TFE3: variants seen among roughly 807,000 people sequenced by gnomAD.
TFE3 encodes transcription factor E3.
A neutral mutation model predicts 35.0 loss-of-function variants in TFE3; 5 were observed. That is an observed-to-expected ratio of 0.14 (90% CI 0.07 to 0.30). TFE3 has a LOEUF of 0.30. TFE3 is among the 10% of genes least tolerant of loss of function. The pLI is 1.00. For missense variants in TFE3, 374 were observed against 496.6 expected (o/e 0.75, Z 2.35); for synonymous variants, 211 against 215.6 (o/e 0.98, Z 0.18).
Position 49,030,208 on chromosome X carries a change from A to G in TFE3, c.1678T>C (p.Ser560Pro). The change falls in exon 10 of 10, where the codon TCC becomes CCC. Residue 560 changes from serine (S) to proline (P), a missense_variant. Transcript: ENST00000315869. ...PLLSSVSPAV[S>P]KASSRRSSFS... ...CTGCTGCGGCGGCTGCTGGCCTTGGAGACAGCAGGGGACACTGAAGAGAGC... is the reference window on the plus strand; with the variant it reads ...CTGCTGCGGCGGCTGCTGGCCTTGGGGACAGCAGGGGACACTGAAGAGAGC... The G allele has an allele frequency of 8.3e-7, 1 of 1,207,582 alleles. No homozygotes were observed. Among genetic ancestry groups the G allele is most frequent in the Non-Finnish European group, 1.1e-6 (1 of 893,489 alleles).
At chrX:49,037,663 C>T (rs367729809) in intron 5 of TFE3, 15 of 147,898 alleles carry the variant, frequency 1.0e-4, no homozygotes, top group African/African-American at 4.0e-4. Context: ...CGCGCCACTG[C>T]ACTCTAGCCT....
At chrX:49,037,790 C>T (rs1402714097) in intron 5 of TFE3, 3 of 400,019 alleles carry the variant, frequency 7.5e-6, no homozygotes, top group South Asian at 4.4e-5. Flanking sequence ...CAGTGAACTC[C>T]CCACCTGTAT....
intron 8 of TFE3, chrX:49,031,929 C>G (rs1274271477): frequency 1.6e-5 from 2 of 124,610 alleles, no homozygotes; most frequent in African/African-American, 6.4e-5. Context: ...CCATGCGGCT[C>G]CCCGCCTTGC....
Position 49,031,525 on chromosome X carries a change from C to T in TFE3, c.1156G>A (p.Gly386Ser). 1 of 1,194,154 alleles carries T rather than the reference C, an allele frequency of 8.4e-7. No homozygotes were observed. The highest frequency in any genetic ancestry group is 1.1e-6 in the Non-Finnish European group (1 of 886,293). ...TCCACAGAGGCCTTCAGGATGGTGCCCTTGTTCCAGCGCATCTCCCTGTGG... is the reference window on the plus strand; with the variant it reads ...TCCACAGAGGCCTTCAGGATGGTGCTCTTGTTCCAGCGCATCTCCCTGTGG... The part of the protein sequence containing the change: ...SSDPEMRWNK[G>S]TILKASVDYI... Residue 386 changes from glycine (G) to serine (S), a missense_variant, in exon 9 of 10, where the codon GGC becomes AGC. Gly to Ser is a moderately conservative substitution (Grantham distance 56). This residue lies in a region of TFE3 where 167 missense variants were observed against 297.2 expected (regional missense o/e 0.56). Transcript: ENST00000315869.
In TFE3 at chrX:49,034,126, T is replaced by C. The variant is rs782614531; in HGVS notation, c.1003+8A>G. 5 of 1,199,287 alleles carry C rather than the reference T, an allele frequency of 4.2e-6. No homozygotes were observed. Among genetic ancestry groups the C allele is most frequent in the South Asian group, 1.8e-5 (1 of 56,628 alleles). The stretch of plus-strand genomic sequence containing the variant: ...GTAGGGCCATGGGGCCAAGACCCTA[T>C]CACCTACCAGAGATCTCCCGTTTGA... On this transcript the variant is annotated splice_region_variant and intron_variant, in intron 6 of 9. Coordinates refer to ENST00000315869, the MANE Select transcript of TFE3 (RefSeq NM_006521.6).
At chrX:49,042,969 A>G in intron 1 of TFE3, 142 bp downstream of exon 1, 1 of 433,718 alleles carries the variant, frequency 2.3e-6, no homozygotes, top group East Asian at 4.2e-5. Flanking sequence ...CGGATTCCTT[A>G]GGTGCCCCCC....
chrX:49,040,701 C>A, intron 1 of TFE3, 133 bp from the exon 2 acceptor site: 2 of 467,456 alleles, frequency 4.3e-6, no homozygotes, highest in South Asian at 6.3e-5. Flanking sequence ...TATTTGGCCA[C>A]CTTGCTGGGT....
At chrX:49,042,760 A>C (rs782251878) in intron 1 of TFE3, among the ~76,000 whole-genome samples, 2 of 110,926 alleles carry the variant, frequency 1.8e-5, no homozygotes, top group Non-Finnish European at 3.8e-5. Context: ...CATTCCCCTC[A>C]TGTCCGACTG....
At chrX:49,037,102 A>T (rs1191737406) in intron 5 of TFE3, among the ~76,000 whole-genome samples, 1 of 111,301 alleles carries the variant, frequency 9.0e-6, no homozygotes, top group Non-Finnish European at 1.9e-5. Context: ...TCAGGAGTTC[A>T]AGACCAGCCT....
chrX:49,038,137 T>C (rs2064740377), intron 4 of TFE3, 23 bp from the exon 5 acceptor site: 3 of 1,211,466 alleles, frequency 2.5e-6, no homozygotes, highest in Non-Finnish European at 3.4e-6. Flanking sequence ...GTAAATATTA[T>C]ACAGGTTTAG....
At chrX:49,031,258 C>T (rs1306288495) in intron 9 of TFE3, 139 bp downstream of exon 9, 2 of 586,553 alleles carry the variant, frequency 3.4e-6, no homozygotes, top group African/African-American at 2.3e-5. Flanking sequence ...ATCATTATCA[C>T]TATCATCATC....
chrX:49,030,694 G>T, intron 9 of TFE3, 93 bp from the exon 10 acceptor site: 1 of 781,646 alleles, frequency 1.3e-6, no homozygotes, highest in Non-Finnish European at 1.8e-6. Context: ...AGGTTCCCTG[G>T]GTTGGAATTC....
At chrX:49,041,276 T>C (rs782815416) in intron 1 of TFE3, among the ~76,000 whole-genome samples, 1 of 106,113 alleles carries the variant, frequency 9.4e-6, no homozygotes, top group Non-Finnish European at 1.9e-5. Context: ...CCCAGGTATA[T>C]GTGTGTACAC....
At chrX:49,033,688 G>A (rs782635252) in intron 7 of TFE3, 38 bp downstream of exon 7, 10 of 1,206,816 alleles carry the variant, frequency 8.3e-6, no homozygotes, top group Non-Finnish European at 1.0e-5. Flanking sequence ...AGGCAGGCCT[G>A]CACAGCACCC....
At chrX:49,039,470 T>A (rs1557075387) in intron 2 of TFE3, 60 bp from the exon 3 acceptor site, 2 of 1,086,246 alleles carry the variant, frequency 1.8e-6, no homozygotes. Context: ...ATCCCAAGCC[T>A]AAAGGGTCTT....
At chrX:49,031,325 C>T in intron 9 of TFE3, 72 bp downstream of exon 9, 13 of 1,105,160 alleles carry the variant, frequency 1.2e-5, no homozygotes, top group Non-Finnish European at 1.6e-5. Flanking sequence ...AAACCCTGGC[C>T]TGCTCTCTCT....
intron 1 of TFE3, 102 bp downstream of exon 1, chrX:49,043,009 C>A (rs934704041): frequency 4.9e-5 from 34 of 694,461 alleles, no homozygotes; most frequent in Non-Finnish European, 6.6e-5. Context: ...TCCTCCAAGG[C>A]TAGGCCGAGG....
chrX:49,031,551 G>A lies in TFE3; in HGVS notation c.1137-7C>T, dbSNP rs1557073747. 1.7e-6 allele frequency: 2 copies of A among 1,169,833 alleles called. No individual in the cohort carries two copies. The highest frequency in any genetic ancestry group is 2.3e-6 in the Non-Finnish European group (2 of 873,721). ...CTTGTTCCAGCGCATCTCCCTGTGG[G>A]GCCCAAGTGGGAGGCAAGCAGGAAA... On this transcript the variant is annotated splice_polypyrimidine_tract_variant and splice_region_variant and intron_variant, in intron 8 of 9. Coordinates refer to ENST00000315869, the MANE Select transcript of TFE3 (RefSeq NM_006521.6).
intron 1 of TFE3, 121 bp downstream of exon 1, chrX:49,042,990 G>A: frequency 2.0e-6 from 1 of 508,944 alleles, no homozygotes; most frequent in Admixed American, 4.6e-5. Context: ...CAAGACGGGC[G>A]CCCCGACGTC....
Sources: allele counts gnomAD v4.1 joint callset (sites outside exome capture counted in the v4.1 genomes callset), GRCh38; gene constraint gnomAD v4.1.1; regional missense constraint gnomAD v4.1.1; transcripts MANE v1.5; gene names NCBI Gene and HGNC (gene_info 2026-07-23, HGNC 2026-07-21).